SMARCC2: variants seen among roughly 807,000 people sequenced by gnomAD.
SMARCC2 encodes the protein SWI/SNF related BAF chromatin remodeling complex subunit C2.
In SMARCC2, 15 loss-of-function variants were observed where a neutral mutation model predicts 151.3. The observed-to-expected ratio is 0.10, with a 90% confidence interval of 0.07 to 0.15. The LOEUF (loss-of-function observed/expected upper bound fraction) is 0.15. Ranked by LOEUF, SMARCC2 falls within the 10% of genes least tolerant of loss-of-function variation. The probability of loss-of-function intolerance (pLI) is 1.00; values close to 1 mark genes in which losing one functional copy is unlikely to be tolerated. For synonymous variants in SMARCC2, 590 were observed against 609.5 expected (o/e 0.97, Z 0.47); for missense variants, 1,031 against 1,599.7 (o/e 0.64, Z 6.06).
At chr12:56,168,322 G>T in intron 25 of SMARCC2, 128 bp from the exon 26 acceptor site, 1 of 1,035,976 alleles carries the variant, frequency 9.7e-7, no homozygotes, top group Non-Finnish European at 1.4e-6. Flanking sequence ...ATGGTGAAAG[G>T]GCTTGACTTT....
In SMARCC2 at chr12:56,165,545, G is replaced by A; in HGVS notation, c.3005C>T (p.Pro1002Leu). 1 of 1,612,304 alleles carries A rather than the reference G, an allele frequency of 6.2e-7. No homozygotes were observed. Among genetic ancestry groups the A allele is most frequent in the Non-Finnish European group, 8.5e-7 (1 of 1,179,526 alleles). ...PPPALPPGSQ[P>L]IPPTGAAGPP... ...CCCAGCAGCCCCTGTTGGGGGGATA[G>A]GCTGGGAGCCTGGGGGCAGGGCTGG... Residue 1002 changes from proline (P) to leucine (L), a missense_variant, in exon 27 of 29, where the codon CCT becomes CTT. By Grantham distance (98) the Pro-to-Leu change is moderately conservative (BLOSUM62 -3). Around this residue, in one of 12 missense-constraint regions of SMARCC2, gnomAD observed 310 missense variants for 350.0 expected, o/e 0.89. Transcript: ENST00000550164.
Position 56,171,407 on chromosome 12 carries a change from C to G in SMARCC2, c.2211G>C (p.Glu737Asp), listed in dbSNP as rs1226553732. The G allele has an allele frequency of 6.2e-7, 1 of 1,614,098 alleles. No homozygotes were observed. The highest frequency in any genetic ancestry group is 2.2e-5 in the East Asian group (1 of 44,902). Residue 737 changes from glutamate to aspartate, a missense_variant, in exon 22 of 29, where the codon GAG becomes GAC. Glu to Asp is a conservative substitution (Grantham distance 45, BLOSUM62 2). Coordinates refer to ENST00000550164, the MANE Select transcript of SMARCC2 (RefSeq NM_001330288.2). The surrounding 1 kb of genome is among the most constrained non-coding windows in gnomAD (Gnocchi z 4.2). ...GGGCCTCCACCAAGGCCGTGGGTAC[C>G]TCTTCCTTCATTTTGGAGAACTCCT... ...ALEEFSKMKE[E>D]VPTALVEAHV...
At chr12:56,182,377 T>C (rs990701486) in intron 7 of SMARCC2, among the ~76,000 whole-genome samples, 5 of 151,800 alleles carry the variant, frequency 3.3e-5, no homozygotes, top group Admixed American at 6.6e-5. Flanking sequence ...CAGGTTGGAG[T>C]GCAGTGGCGC....
In SMARCC2 at chr12:56,164,748, G is replaced by C. The variant is rs200307203; in HGVS notation, c.3233-17C>G. The C allele has an allele frequency of 4.0e-4, 628 of 1,569,168 alleles. No individual in the cohort carries two copies. Among genetic ancestry groups the C allele is most frequent in the Middle Eastern group, 1.1e-3 (6 of 5,612 alleles). ...GTGAGGGGCCTGAGAATAAAGATGA[G>C]AGATGGAGAAAATTAGGTATAAAAT... On this transcript the variant is annotated splice_polypyrimidine_tract_variant and intron_variant, in intron 27 of 28. Transcript: ENST00000550164.
chr12:56,189,336 G>C lies in SMARCC2; in HGVS notation c.111+15C>G. ...CCGCCCCCGGTCCCCGCGCGGCCCG[G>C]CCCGGCCCGCGTACCTTCTTGTAGT... On this transcript the variant is annotated intron_variant, in intron 1 of 28. Coordinates refer to ENST00000550164, the MANE Select transcript of SMARCC2 (RefSeq NM_001330288.2). 2 of 1,476,220 alleles carry C rather than the reference G, an allele frequency of 1.4e-6. No individual in the cohort carries two copies. Among genetic ancestry groups the C allele is most frequent in the African/African-American group, 1.4e-5 (1 of 69,104 alleles). The allele number at this position is 1,476,220 out of a possible 1,614,324, so 91.4% of individuals were successfully genotyped here.
rs187335194 is a variant in SMARCC2, at chr12:56,171,291, G to A, written c.2327C>T (p.Ser776Phe). ...LESSGIAGTT[S>F]DEPERIEESG... is the part of the protein sequence containing the mutation. Reference sequence around the variant, plus strand: ...CTTACCAATCCGCTCAGGCTCATCAGAGGTGGTTCCTGCAATGCCACTGCT... The same window carrying A: ...CTTACCAATCCGCTCAGGCTCATCAAAGGTGGTTCCTGCAATGCCACTGCT... The change falls in exon 22 of 29, where the codon TCT (serine) becomes TTT (phenylalanine). Residue 776 changes from serine (S) to phenylalanine (F), a missense_variant. By Grantham distance (155) the Ser-to-Phe change is radical (BLOSUM62 -2). Coordinates refer to ENST00000550164, the MANE Select transcript of SMARCC2 (RefSeq NM_001330288.2). This position sits in a 1 kb window ranked among gnomAD's most constrained non-coding sequence, Gnocchi z 4.2. 347 of 1,614,234 alleles carry A rather than the reference G, an allele frequency of 2.1e-4. 1 individual carries two copies. In the South Asian group the frequency reaches 2.5e-3, roughly 11 times the overall value.
intron 17 of SMARCC2, 51 bp from the exon 18 acceptor site, chr12:56,173,080 C>A: frequency 3.2e-6 from 5 of 1,578,022 alleles, no homozygotes; most frequent in Non-Finnish European, 4.3e-6. Flanking sequence ...ATGACCAGGC[C>A]AAGGCCCTGG....
rs1481834657 is a variant in SMARCC2, at chr12:56,172,991, C to G, written c.1689G>C (p.Lys563Asn). The change falls in exon 18 of 29, where the codon AAG becomes AAC. Residue 563 changes from lysine (K) to asparagine (N), a missense_variant. Physicochemically the swap from Lys to Asn is moderately conservative, Grantham distance 94. Transcript: ENST00000550164. ...GCACCAGGTCATCCAGCTCTTTGCC[C>G]TTTCGCCCAGCCTTGGTATCAGCAT... Reference protein sequence around the residue: ...QVDADTKAGRKGKELDDLVPE... With the variant: ...QVDADTKAGRNGKELDDLVPE... 6.2e-7 allele frequency: 1 copy of G among 1,614,102 alleles called. No individual in the cohort carries two copies. Among genetic ancestry groups the G allele is most frequent in the Admixed American group, 1.7e-5 (1 of 60,028 alleles).
intron 1 of SMARCC2, among the ~76,000 whole-genome samples, chr12:56,188,318 G>A (rs1877666437): frequency 6.6e-6 from 1 of 152,142 alleles, no homozygotes; most frequent in Admixed American, 6.6e-5. Context: ...CACACCCAGA[G>A]AGACCCCAAG....
rs1246144040 is a variant in SMARCC2 at position 56,164,612 on chromosome 12, G to A, written c.3352C>T (p.Pro1118Ser). The change falls in exon 28 of 29, where the codon CCT becomes TCT. Residue 1118 changes from proline to serine, a missense_variant. Coordinates refer to ENST00000550164, the MANE Select transcript of SMARCC2 (RefSeq NM_001330288.2). Reference protein sequence around the residue: ...APLGLPFGMPPPPPPPAPSII... With the variant: ...APLGLPFGMPSPPPPPAPSII... ...GATGGAGCAGGAGGAGGAGGAGGAG[G>A]CGGCATGCCAAAAGGCAAACCCAAA... The A allele has an allele frequency of 6.2e-7, 1 of 1,613,682 alleles. No individual in the cohort carries two copies. Among genetic ancestry groups the A allele is most frequent in the Admixed American group, 1.7e-5 (1 of 59,944 alleles).
intron 25 of SMARCC2, 22 bp from the exon 26 acceptor site, chr12:56,168,216 A>G: frequency 1.2e-6 from 2 of 1,613,902 alleles, no homozygotes; most frequent in Non-Finnish European, 1.7e-6. Flanking sequence ...GGGGCGAGAC[A>G]GCACATCAGT....
rs763175724 is a variant in SMARCC2, at chr12:56,188,442, A to G, written c.111+909T>C. 2.6e-5 allele frequency among the ~76,000 whole-genome samples: 4 copies of G among 152,208 alleles called. No homozygotes were observed. The East Asian group carries it at 5.8e-4, about 22-fold the overall frequency. ...AACTGGGGAGCTGAAAGAAAGCCAT[A>G]AAGAGAATCCCTCTCTGAGGGTAGT... On this transcript the variant is annotated intron_variant, in intron 1 of 28. Coordinates refer to ENST00000550164, the MANE Select transcript of SMARCC2 (RefSeq NM_001330288.2).
chr12:56,184,763 T>C (rs1394178955), intron 5 of SMARCC2, 81 bp downstream of exon 5: 1 of 842,454 alleles, frequency 1.2e-6, no homozygotes, highest in African/African-American at 1.7e-5. Context: ...AACATGGTAA[T>C]TCAGGGCTGC....
intron 7 of SMARCC2, among the ~76,000 whole-genome samples, chr12:56,182,880 T>C (rs1476705737): frequency 6.7e-6 from 1 of 148,316 alleles, no homozygotes; most frequent in African/African-American, 2.5e-5. Flanking sequence ...ATTGCCCAGG[T>C]TGAAGTGCAG....
chr12:56,183,996 A>G (rs1876759642), intron 6 of SMARCC2, 66 bp from the exon 7 acceptor site: 1 of 1,290,376 alleles, frequency 7.7e-7, no homozygotes, highest in Non-Finnish European at 1.1e-6. Context: ...ATACTGTACA[A>G]AAGCCCTAAC....
chr12:56,174,270 T>C (rs551494043), intron 16 of SMARCC2, among the ~76,000 whole-genome samples: 3 of 152,218 alleles, frequency 2.0e-5, no homozygotes, highest in Admixed American at 6.5e-5. Context: ...CCACCATGCC[T>C]AGCTAATTTT....
At chr12:56,169,974 A>G in intron 23 of SMARCC2, 63 bp from the exon 24 acceptor site, 9 of 1,529,698 alleles carry the variant, frequency 5.9e-6, no homozygotes, top group Non-Finnish European at 8.1e-6. Context: ...TCTCACACAG[A>G]GGGGCCAGAC....
Position 56,178,448 on chromosome 12 carries a change from G to A in SMARCC2, c.1266C>T (p.His422=). 1.2e-6 allele frequency: 2 copies of A among 1,614,220 alleles called. No individual in the cohort carries two copies. Among genetic ancestry groups the A allele is most frequent in the Non-Finnish European group, 8.5e-7 (1 of 1,180,028 alleles). Residue 422 remains histidine, a synonymous_variant, in exon 14 of 29, where the codon CAC becomes CAT. Coordinates refer to ENST00000550164, the MANE Select transcript of SMARCC2 (RefSeq NM_001330288.2). ...LHEDNVTEQT[H]HIIIPSYAAW... ...CAGCGTAGCTGGGAATGATGATGTG[G>A]TGGGTCTGTTCAGTCACATTGTCCT...
chr12:56,171,994 G>A lies in SMARCC2; in HGVS notation c.1927-57C>T. On this transcript the variant is annotated intron_variant, in intron 20 of 28. Transcript: ENST00000550164. This position sits in a 1 kb window ranked among gnomAD's most constrained non-coding sequence, Gnocchi z 4.2. ...TACTTAGCCACTTTTCTCGAAGGCTGACTCCCCCCATCCTACTAAGGGCAG... is the reference window on the plus strand; with the variant it reads ...TACTTAGCCACTTTTCTCGAAGGCTAACTCCCCCCATCCTACTAAGGGCAG... The A allele has an allele frequency of 6.6e-7, 1 of 1,516,862 alleles. No individual in the cohort carries two copies. The highest frequency in any genetic ancestry group is 8.9e-7 in the Non-Finnish European group (1 of 1,119,694). The allele number at this position is 1,516,862 out of a possible 1,614,324, so 94.0% of individuals were successfully genotyped here.
Sources: gnomAD v4.1 joint callset for allele counts (sites outside exome capture counted in the v4.1 genomes callset) on GRCh38, gnomAD v4.1.1 for gene constraint, gnomAD v4.1.1 regional missense constraint, Gnocchi (gnomAD v3.1) non-coding constraint, MANE v1.5 for transcripts, NCBI Gene and HGNC (gene_info 2026-07-23, HGNC 2026-07-21) for gene names.